NPTN: variants seen among roughly 807,000 people sequenced by gnomAD.
The protein encoded by NPTN is SDR-1.
Under a neutral mutation model 42.7 loss-of-function variants are expected in NPTN, and 5 were observed. The ratio of observed to expected loss-of-function variants is 0.12; its 90% CI spans 0.06 to 0.25. The LOEUF is 0.25. Among genes scored for constraint, NPTN ranks in the 10% least tolerant of loss-of-function variants. NPTN has a pLI of 1.00. For missense variants in NPTN, 307 were observed against 525.4 expected (o/e 0.58, Z 4.06); for synonymous variants, 180 against 201.9 (o/e 0.89, Z 0.92).
intron 7 of NPTN, among the ~76,000 whole-genome samples, chr15:73,562,599 A>C (rs928865323): frequency 4.6e-5 from 7 of 151,940 alleles, no homozygotes; most frequent in African/African-American, 1.7e-4. Flanking sequence ...CTTTAGTCCA[A>C]CTCTAGGAGA....
At position 73,570,122 on chromosome 15, in the gene NPTN, T is replaced by C; in HGVS notation, c.1114+28A>G. The C allele has an allele frequency of 2.5e-6, 4 of 1,574,576 alleles. No homozygotes were observed. Among genetic ancestry groups the C allele is most frequent in the Non-Finnish European group, 3.5e-6 (4 of 1,157,574 alleles). On this transcript the variant is annotated intron_variant, in intron 6 of 8. Coordinates refer to ENST00000345330, the MANE Select transcript of NPTN (RefSeq NM_012428.4). The surrounding 1 kb of genome is among the most constrained non-coding windows in gnomAD (Gnocchi z 4.0). The stretch of plus-strand genomic sequence containing the variant: ...CACCCGAAGGAACCAACCCCAGCAG[T>C]ACAGCTATTTTGTAGGGATGCTCTT...
chr15:73,571,667 C>T (rs1446621670), intron 5 of NPTN, among the ~76,000 whole-genome samples: 2 of 152,088 alleles, frequency 1.3e-5, no homozygotes, highest in Admixed American at 1.3e-4. Flanking sequence ...CGGGACTCAG[C>T]GGGATGGCTC....
At position 73,568,736 on chromosome 15, in the gene NPTN, G is replaced by A. The variant is rs1002514791; in HGVS notation, c.1114+1414C>T. On this transcript the variant is annotated intron_variant, in intron 6 of 8. Transcript: ENST00000345330. ...CAGAGGCCGTCTGCTCCCAGCCAAC[G>A]TCCTTCCCACGCCTCTGCCCAGCTC... 25 of 985,378 alleles carry A rather than the reference G, an allele frequency of 2.5e-5. No individual in the cohort carries two copies. The African/African-American group carries it at 2.6e-4, about 10-fold the overall frequency. 61.0% of individuals were successfully genotyped at this position (985,378 alleles called of 1,614,324 possible). A position where few individuals can be genotyped will look rare whatever the true frequency, so the allele number is the denominator to read the frequency against.
At chr15:73,561,843 G>A in intron 8 of NPTN, 53 bp downstream of exon 8, 15 of 1,271,074 alleles carry the variant, frequency 1.2e-5, no homozygotes, top group Non-Finnish European at 1.7e-5. Flanking sequence ...GGTCAATAGA[G>A]GCACATTCAT....
intron 1 of NPTN, among the ~76,000 whole-genome samples, chr15:73,621,190 G>C (rs1416409041): frequency 6.6e-6 from 1 of 152,146 alleles, no homozygotes; most frequent in Non-Finnish European, 1.5e-5. Flanking sequence ...AATTTAACTT[G>C]AAGTGAGAGC....
At chr15:73,587,747 C>G in intron 3 of NPTN, 129 bp from the exon 4 acceptor site, 1 of 653,510 alleles carries the variant, frequency 1.5e-6, no homozygotes, top group Non-Finnish European at 2.7e-6. Flanking sequence ...CTCCTTCTAA[C>G]TAAAAGCAAA....
In NPTN at chr15:73,597,172, C is replaced by T. The variant is rs757426460; in HGVS notation, c.289G>A (p.Gly97Ser). 14 of 1,614,158 alleles carry T rather than the reference C, an allele frequency of 8.7e-6. No individual in the cohort carries two copies. The highest frequency in any genetic ancestry group is 1.3e-5 in the African/African-American group (1 of 75,040). The change falls in exon 2 of 9, where the codon GGC (glycine) becomes AGC (serine). Residue 97 changes from glycine (G) to serine (S), a missense_variant. Physicochemically the swap from Gly to Ser is moderately conservative, Grantham distance 56. Transcript: ENST00000345330. This position sits in a 1 kb window ranked among gnomAD's most constrained non-coding sequence, Gnocchi z 6.3. The part of the protein sequence containing the change: ...VTVNTAYGSN[G>S]VSVLRITRLT... ...CGGGTTATTCTCAGCACACTCACGC[C>T]GTTTGACCCGTAGGCGGTGTTTACG...
intron 3 of NPTN, among the ~76,000 whole-genome samples, chr15:73,590,607 CAAAAAAA>C (rs1246356308): frequency 1.1e-5 from 1 of 95,022 alleles, no homozygotes; most frequent in African/African-American, 3.6e-5. Flanking sequence ...ACAAAAAATA[CAAAAAAA>C]AAAAAAAAAA....
At chr15:73,603,510 T>C (rs1481089) in intron 1 of NPTN, among the ~76,000 whole-genome samples, 82,191 of 152,026 alleles carry the variant, frequency 0.54, 22,329 homozygotes, top group East Asian at 0.56. Flanking sequence ...TAGAGCAAAC[T>C]GGAATGAACA....
chr15:73,571,656 T>C (rs1895397168), intron 5 of NPTN, among the ~76,000 whole-genome samples: 2 of 151,998 alleles, frequency 1.3e-5, no homozygotes, highest in Non-Finnish European at 1.5e-5. Flanking sequence ...CAGGCAGAGG[T>C]CGGGACTCAG....
chr15:73,562,069 C>T (rs1380178856), intron 7 of NPTN, 99 bp from the exon 8 acceptor site: 2 of 864,176 alleles, frequency 2.3e-6, no homozygotes, highest in Admixed American at 2.6e-5. Flanking sequence ...TACTGCCATC[C>T]CTGGTGTAGT....
intron 1 of NPTN, among the ~76,000 whole-genome samples, chr15:73,620,935 T>A (rs572105798): frequency 6.6e-6 from 1 of 152,356 alleles, no homozygotes; most frequent in African/African-American, 2.4e-5. Flanking sequence ...ATCTAAACAT[T>A]GTATTATTAG....
intron 1 of NPTN, among the ~76,000 whole-genome samples, chr15:73,616,822 G>T (rs188762836): frequency 6.6e-6 from 1 of 152,118 alleles, no homozygotes; most frequent in Admixed American, 6.6e-5. Context: ...GAATGCTTTC[G>T]CTAAAAATTA....
chr15:73,560,561 G>A lies in NPTN; in HGVS notation c.*502C>T, dbSNP rs991144715. 13 of 151,448 alleles carry A rather than the reference G, an allele frequency of 8.6e-5. 1 individual carries two copies. Among genetic ancestry groups the A allele is most frequent in the Admixed American group, 7.3e-4 (11 of 15,138 alleles). The allele number at this position is 151,448 out of a possible 1,614,324, so 9.4% of individuals were successfully genotyped here. On this transcript the variant is annotated 3_prime_UTR_variant, in exon 9 of 9. Transcript: ENST00000345330. Reference sequence around the variant, plus strand: ...AACATACAATAAGGAATGAATATCAGCAGCTTAAAAATGAAACAAGCATTT... The same window carrying A: ...AACATACAATAAGGAATGAATATCAACAGCTTAAAAATGAAACAAGCATTT...
At chr15:73,595,741 C>A (rs1369512127) in intron 2 of NPTN, among the ~76,000 whole-genome samples, 2 of 152,202 alleles carry the variant, frequency 1.3e-5, no homozygotes. Flanking sequence ...AATGTCCCCT[C>A]AATTATAACC....
chr15:73,631,580 A>G (rs1898745387), intron 1 of NPTN, among the ~76,000 whole-genome samples: 1 of 152,228 alleles, frequency 6.6e-6, no homozygotes, highest in Non-Finnish European at 1.5e-5. Flanking sequence ...GTTTCTCAAA[A>G]AACTCCACTG....
intron 7 of NPTN, 93 bp from the exon 8 acceptor site, chr15:73,562,063 G>A (rs910259614): frequency 2.2e-5 from 20 of 897,390 alleles, no homozygotes; most frequent in African/African-American, 2.1e-4. Context: ...TTCACTTACT[G>A]CCATCCCTGG....
intron 1 of NPTN, among the ~76,000 whole-genome samples, chr15:73,617,948 T>C (rs1207521449): frequency 6.6e-6 from 1 of 152,332 alleles, no homozygotes; most frequent in South Asian, 2.1e-4. Context: ...AAAGTCTGAC[T>C]ACCCCTAGCA....
Position 73,570,198 on chromosome 15 carries a change from TCAC to T in NPTN, c.1063_1065del (p.Val355del). 1 of 1,613,872 alleles carries T rather than the reference TCAC, an allele frequency of 6.2e-7. No homozygotes were observed. Among genetic ancestry groups the T allele is most frequent in the Non-Finnish European group, 8.5e-7 (1 of 1,179,886 alleles). On this transcript the variant is annotated inframe_deletion, in exon 6 of 9. Transcript: ENST00000345330. The surrounding 1 kb of genome is among the most constrained non-coding windows in gnomAD (Gnocchi z 4.0). Reference sequence around the variant, plus strand: ...TTCCTCTTCTCATACACAACAATGATCACCACAAGGATGATAATTTCAGCCAGA... The same window carrying T: ...TTCCTCTTCTCATACACAACAATGATCACAAGGATGATAATTTCAGCCAGA...
Sources: gnomAD v4.1 joint callset for allele counts (sites outside exome capture counted in the v4.1 genomes callset) on GRCh38, gnomAD v4.1.1 for gene constraint, Gnocchi (gnomAD v3.1) non-coding constraint, MANE v1.5 for transcripts, NCBI Gene and HGNC (gene_info 2026-07-23, HGNC 2026-07-21) for gene names.